The following ATXN1 variants were observed in gnomAD, a reference collection of about 807,000 sequenced individuals.
ATXN1 encodes the protein ataxin 1.
A neutral mutation model predicts 56.4 loss-of-function variants in ATXN1; 8 were observed. The observed-to-expected ratio is 0.14, with a 90% CI of 0.08 to 0.26. The LOEUF (loss-of-function observed/expected upper bound fraction) is 0.26. Ranked by LOEUF, ATXN1 falls within the 10% of genes least tolerant of loss-of-function variation. ATXN1 has a pLI of 1.00. For synonymous variants in ATXN1, 514 were observed against 494.6 expected (o/e 1.04, Z -0.52); for missense variants, 987 against 1,106.5 (o/e 0.89, Z 1.53).
At chr6:16,403,192 C>G (rs1428124004) in intron 6 of ATXN1, among the ~76,000 whole-genome samples, 1 of 152,116 alleles carries the variant, frequency 6.6e-6, no homozygotes, top group Admixed American at 6.5e-5. Flanking sequence ...CTGCCACATC[C>G]CAAACCTAGC....
chr6:16,328,599 C>A lies in ATXN1; in HGVS notation c.-160-129G>T. ...GGCAAGATTAAGACTAGGCCCTGGA[C>A]TCGGTGTGAACTCCCATAACCCAAT... On this transcript the variant is annotated intron_variant, in intron 6 of 7. Coordinates refer to ENST00000436367, the MANE Select transcript of ATXN1 (RefSeq NM_001128164.2). This position sits in a 1 kb window ranked among gnomAD's most constrained non-coding sequence, Gnocchi z 6.2. The A allele has an allele frequency of 3.1e-6, 1 of 326,036 alleles. No individual in the cohort carries two copies. Among genetic ancestry groups the A allele is most frequent in the Non-Finnish European group, 5.3e-6 (1 of 188,034 alleles). 20.2% of individuals were successfully genotyped at this position (326,036 alleles called of 1,614,324 possible).
At chr6:16,329,326 C>G (rs1760925564) in intron 6 of ATXN1, among the ~76,000 whole-genome samples, 1 of 152,016 alleles carries the variant, frequency 6.6e-6, no homozygotes, top group Non-Finnish European at 1.5e-5. Context: ...TCCTCATCTG[C>G]CAGAGCCACT....
chr6:16,616,991 CTAATT>C (rs1763225186), intron 3 of ATXN1, among the ~76,000 whole-genome samples: 1 of 151,874 alleles, frequency 6.6e-6, no homozygotes, highest in Non-Finnish European at 1.5e-5. Flanking sequence ...TTGTTAATCT[CTAATT>C]TATACATTGA....
At chr6:16,330,981 T>C (rs914096776) in intron 6 of ATXN1, among the ~76,000 whole-genome samples, 3 of 151,882 alleles carry the variant, frequency 2.0e-5, no homozygotes, top group African/African-American at 7.3e-5. Flanking sequence ...AGGAGTAATG[T>C]CACTTATTTA....
intron 4 of ATXN1, among the ~76,000 whole-genome samples, chr6:16,552,087 C>T (rs1374426417): frequency 2.6e-5 from 4 of 152,224 alleles, no homozygotes; most frequent in Non-Finnish European, 5.9e-5. Context: ...CTAAGGCACT[C>T]TCCAAGGACA....
At chr6:16,579,018 T>C (rs185690269) in intron 4 of ATXN1, among the ~76,000 whole-genome samples, 2 of 152,208 alleles carry the variant, frequency 1.3e-5, no homozygotes, top group African/African-American at 4.8e-5. Context: ...TTCCCCAAAC[T>C]GTCATATAAG....
intron 6 of ATXN1, among the ~76,000 whole-genome samples, chr6:16,441,479 C>G (rs1759515854): frequency 6.6e-6 from 1 of 151,778 alleles, no homozygotes; most frequent in East Asian, 1.9e-4. Flanking sequence ...AAATACAGTG[C>G]ACAGTTATTA....
intron 5 of ATXN1, among the ~76,000 whole-genome samples, chr6:16,502,595 C>A (rs986283785): frequency 5.3e-5 from 8 of 152,142 alleles, no homozygotes; most frequent in African/African-American, 1.9e-4. Flanking sequence ...TTAAAAAATA[C>A]AATTAACTGC....
chr6:16,378,778 T>G (rs1762195378), intron 6 of ATXN1, among the ~76,000 whole-genome samples: 1 of 152,002 alleles, frequency 6.6e-6, no homozygotes, highest in Non-Finnish European at 1.5e-5. Flanking sequence ...CAGGCTGGTC[T>G]CAAACTCCTG....
At chr6:16,568,011 A>C (rs1386028317) in intron 4 of ATXN1, among the ~76,000 whole-genome samples, 2 of 152,224 alleles carry the variant, frequency 1.3e-5, no homozygotes, top group Non-Finnish European at 2.9e-5. Flanking sequence ...TAAACGTCAG[A>C]GCTCTTTTAA....
At chr6:16,715,007 A>G (rs1759609202) in intron 2 of ATXN1, among the ~76,000 whole-genome samples, 1 of 152,060 alleles carries the variant, frequency 6.6e-6, no homozygotes, top group Non-Finnish European at 1.5e-5. Flanking sequence ...TAAAGTGGAC[A>G]TACACCTTCC....
intron 6 of ATXN1, among the ~76,000 whole-genome samples, chr6:16,362,850 G>C (rs1761839400): frequency 6.6e-6 from 1 of 152,184 alleles, no homozygotes; most frequent in Admixed American, 6.5e-5. Context: ...CTACATATTA[G>C]TGATGAGCAG....
At chr6:16,579,250 T>C (rs533710236) in intron 4 of ATXN1, among the ~76,000 whole-genome samples, 16 of 152,258 alleles carry the variant, frequency 1.1e-4, no homozygotes, top group Admixed American at 2.6e-4. Flanking sequence ...CTGAGCAAGA[T>C]GGAAGACACA....
rs546267901 is a variant in ATXN1 at position 16,517,566 on chromosome 6, G to C, written c.-299+5061C>G. The stretch of plus-strand genomic sequence containing the variant: ...ACCTACTACATGGCAGATATTAGAG[G>C]AACAAGAATGATTAACAGGTTCCCC... On this transcript the variant is annotated intron_variant, in intron 5 of 7. Coordinates refer to ENST00000436367, the MANE Select transcript of ATXN1 (RefSeq NM_001128164.2). Among the ~76,000 whole-genome samples the C allele has an allele frequency of 3.9e-5, 6 of 152,202 alleles. No individual in the cohort carries two copies. The South Asian group carries it at 1.2e-3, about 32-fold the overall frequency.
chr6:16,619,447 C>T (rs548976923), intron 3 of ATXN1, among the ~76,000 whole-genome samples: 2 of 152,234 alleles, frequency 1.3e-5, no homozygotes, highest in South Asian at 2.1e-4. Flanking sequence ...GTAAAACTTA[C>T]GATAGGCCCT....
At chr6:16,557,326 C>CAAAAA (rs10551173) in intron 4 of ATXN1, among the ~76,000 whole-genome samples, 19 of 87,678 alleles carry the variant, frequency 2.2e-4, no homozygotes, top group South Asian at 3.8e-4. Flanking sequence ...AACCCCATTT[C>CAAAAA]AAAAAAAAAA....
intron 3 of ATXN1, among the ~76,000 whole-genome samples, chr6:16,651,380 C>CA (rs1763889348): frequency 6.6e-6 from 1 of 151,864 alleles, no homozygotes; most frequent in African/African-American, 2.4e-5. Context: ...CCATCTCTAC[C>CA]AAAAATACAA....
intron 2 of ATXN1, among the ~76,000 whole-genome samples, chr6:16,659,281 G>C (rs112830463): frequency 0.015 from 2,278 of 152,252 alleles, 27 homozygotes; most frequent in Middle Eastern, 0.065. Flanking sequence ...ATGTAACTCA[G>C]CTCCCACTCA....
chr6:16,637,198 G>T (rs1000379883), intron 3 of ATXN1, among the ~76,000 whole-genome samples: 8 of 152,110 alleles, frequency 5.3e-5, no homozygotes, highest in Non-Finnish European at 8.8e-5. Flanking sequence ...CCTTTGTTGG[G>T]ACATGGATGA....
Sources: allele counts gnomAD v4.1 joint callset (sites outside exome capture counted in the v4.1 genomes callset), GRCh38; gene constraint gnomAD v4.1.1; non-coding constraint Gnocchi (gnomAD v3.1); transcripts MANE v1.5; gene names NCBI Gene and HGNC (gene_info 2026-07-23, HGNC 2026-07-21).